Variants in ZGPAT observed in about 807,000 individuals in gnomAD.
ZGPAT encodes the protein zinc finger CCCH-type with G patch domain-containing protein.
Under a neutral mutation model 47.9 loss-of-function variants are expected in ZGPAT, and 39 were observed. The observed-to-expected ratio is 0.81, with a 90% CI of 0.63 to 1.06. ZGPAT has a LOEUF of 1.06. Ranked by LOEUF, ZGPAT falls within the 50% of genes least tolerant of loss-of-function variation. The probability of loss-of-function intolerance (pLI) is 0.00; values close to 1 mark genes in which losing one functional copy is unlikely to be tolerated. For missense variants in ZGPAT, 717 were observed against 681.4 expected (o/e 1.05, Z -0.58); for synonymous variants, 348 against 292.9 (o/e 1.19, Z -1.92).
rs1345412182 is a variant in ZGPAT at position 63,708,798 on chromosome 20, G to A, written c.218G>A (p.Arg73His). 1.2e-6 allele frequency: 2 copies of A among 1,605,208 alleles called. No individual in the cohort carries two copies. The highest frequency in any genetic ancestry group is 1.7e-5 in the Admixed American group (1 of 59,720). Residue 73 changes from arginine (R) to histidine (H), a missense_variant, in exon 2 of 7, where the codon CGC (arginine) becomes CAC (histidine). Coordinates refer to ENST00000355969, the MANE Select transcript of ZGPAT (RefSeq NM_181485.3). ...GCGCTGGACGAAGAGCGCCCGGGCC[G>A]CCAGGAAGATGCTGAGTACCAGGCT... Reference protein sequence around the residue: ...LAALDEERPGRQEDAEYQAFR... With the variant: ...LAALDEERPGHQEDAEYQAFR...
chr20:63,715,833 TAGAGAGAG>T (rs35733523), intron 2 of ZGPAT, among the ~76,000 whole-genome samples: 13 of 150,612 alleles, frequency 8.6e-5, no homozygotes, highest in South Asian at 2.1e-4. Context: ...CAATCATATA[TAGAGAGAG>T]AGAGAGAGAG....
At chr20:63,709,805 A>G (rs1384258938) in intron 2 of ZGPAT, among the ~76,000 whole-genome samples, 1 of 151,878 alleles carries the variant, frequency 6.6e-6, no homozygotes, top group Non-Finnish European at 1.5e-5. Flanking sequence ...CAGCCCCCCT[A>G]GGAGCTGGGC....
chr20:63,734,661 C>T (rs565326365), intron 4 of ZGPAT, 44 bp from the exon 5 acceptor site: 120 of 1,605,800 alleles, frequency 7.5e-5, no homozygotes, highest in East Asian at 3.1e-4. Context: ...GGTCGGACGC[C>T]GTGGACTCTG....
chr20:63,729,272 C>T (rs531659673), intron 2 of ZGPAT, among the ~76,000 whole-genome samples: 2 of 152,242 alleles, frequency 1.3e-5, no homozygotes, highest in African/African-American at 2.4e-5. Flanking sequence ...TCAAGTGATC[C>T]GCCTACCTCA....
At chr20:63,720,643 A>G (rs567178145) in intron 2 of ZGPAT, among the ~76,000 whole-genome samples, 1 of 152,094 alleles carries the variant, frequency 6.6e-6, no homozygotes. Context: ...TTTTAGACAC[A>G]GGGTCTTGCT....
intron 2 of ZGPAT, among the ~76,000 whole-genome samples, chr20:63,714,622 A>T (rs193132973): frequency 9.3e-4 from 141 of 151,422 alleles, no homozygotes; most frequent in African/African-American, 3.2e-3. Flanking sequence ...TAGTGTGTTG[A>T]GTGTTTTTTA....
intron 6 of ZGPAT, 25 bp from the exon 7 acceptor site, chr20:63,735,756 C>A (rs766681673): frequency 6.4e-7 from 1 of 1,574,766 alleles, no homozygotes; most frequent in South Asian, 1.1e-5. Flanking sequence ...CAGGACCCCA[C>A]GCTGACTAGT....
At chr20:63,734,105 G>A in intron 4 of ZGPAT, 1 of 301,346 alleles carries the variant, frequency 3.3e-6, no homozygotes. Context: ...CTGGGTGCCT[G>A]GGATCCTGGC....
At chr20:63,735,097 C>T (rs1414339602) in intron 5 of ZGPAT, 62 bp from the exon 6 acceptor site, 44 of 1,465,776 alleles carry the variant, frequency 3.0e-5, no homozygotes, top group Non-Finnish European at 3.9e-5. Context: ...ACTGCCATCC[C>T]CGTGCTCCTC....
At chr20:63,726,771 C>G (rs1226643787) in intron 2 of ZGPAT, among the ~76,000 whole-genome samples, 1 of 152,170 alleles carries the variant, frequency 6.6e-6, no homozygotes, top group East Asian at 1.9e-4. Flanking sequence ...AGGTGATCTG[C>G]CCACCTCGGC....
intron 2 of ZGPAT, among the ~76,000 whole-genome samples, chr20:63,719,919 T>C (rs2091770184): frequency 6.6e-6 from 1 of 151,642 alleles, no homozygotes; most frequent in East Asian, 1.9e-4. Flanking sequence ...TTTTGGTATT[T>C]TTAGTAGAAA....
At chr20:63,734,665 G>A (rs1209015640) in intron 4 of ZGPAT, 40 bp from the exon 5 acceptor site, 1 of 1,607,678 alleles carries the variant, frequency 6.2e-7, no homozygotes, top group Non-Finnish European at 8.5e-7. Context: ...GGACGCCGTG[G>A]ACTCTGCACA....
Position 63,736,022 on chromosome 20 carries a change from T to C in ZGPAT, c.*103T>C, listed in dbSNP as rs552344301. On this transcript the variant is annotated 3_prime_UTR_variant, in exon 7 of 7. Transcript: ENST00000355969. ...GGGGCCGGCCTGCTGGCCTGGGGCG[T>C]GCAGACACTGCTGAGTGGAGACAGA... The C allele has an allele frequency of 1.3e-6, 2 of 1,490,228 alleles. No homozygotes were observed. Among genetic ancestry groups the C allele is most frequent in the East Asian group, 4.7e-5 (2 of 42,594 alleles). The allele number at this position is 1,490,228 out of a possible 1,614,324, so 92.3% of individuals were successfully genotyped here.
At chr20:63,734,134 G>C (rs964129697) in intron 4 of ZGPAT, 1 of 286,986 alleles carries the variant, frequency 3.5e-6, no homozygotes, top group Non-Finnish European at 6.6e-6. Context: ...GTTGTGTCCA[G>C]ACAGCCAGCA....
chr20:63,711,349 A>G (rs753971182), intron 2 of ZGPAT, among the ~76,000 whole-genome samples: 10 of 152,094 alleles, frequency 6.6e-5, no homozygotes, highest in Non-Finnish European at 7.4e-5. Context: ...CATCTGTGCA[A>G]CAGCCCTGTA....
chr20:63,718,943 G>A (rs531844177), intron 2 of ZGPAT, among the ~76,000 whole-genome samples: 2 of 152,140 alleles, frequency 1.3e-5, no homozygotes, highest in East Asian at 3.9e-4. Flanking sequence ...GCAGGTGCCT[G>A]TAGTCCCAGC....
intron 2 of ZGPAT, among the ~76,000 whole-genome samples, chr20:63,716,355 G>A (rs2091728664): frequency 1.3e-5 from 2 of 152,042 alleles, no homozygotes; most frequent in African/African-American, 2.4e-5. Flanking sequence ...TAGTTTGCAT[G>A]CATGTTTCTA....
intron 6 of ZGPAT, 48 bp downstream of exon 6, chr20:63,735,612 T>C: frequency 6.7e-7 from 1 of 1,501,066 alleles, no homozygotes; most frequent in Non-Finnish European, 8.9e-7. Flanking sequence ...AGGGTGGCCC[T>C]GCCCCCGGGA....
Position 63,708,896 on chromosome 20 carries a change from A to G in ZGPAT, c.316A>G (p.Lys106Glu). ...TGGGTCCGGATCAGAGACCGTTCCT[A>G]AAGCAGAGGCGGGGCCAGAATCTGC... is the stretch of plus-strand genomic sequence containing the variant. ...ARGSGSETVPKAEAGPESAAG... is the reference protein window; with the variant it reads ...ARGSGSETVPEAEAGPESAAG... The change falls in exon 2 of 7, where the codon AAA becomes GAA. Residue 106 changes from lysine (K) to glutamate (E), a missense_variant. Lys to Glu is a moderately conservative substitution (Grantham distance 56). Coordinates refer to ENST00000355969, the MANE Select transcript of ZGPAT (RefSeq NM_181485.3). 1 of 1,612,546 alleles carries G rather than the reference A, an allele frequency of 6.2e-7. No homozygotes were observed. Among genetic ancestry groups the G allele is most frequent in the Non-Finnish European group, 8.5e-7 (1 of 1,179,684 alleles).
Sources: gnomAD v4.1 joint callset for allele counts (sites outside exome capture counted in the v4.1 genomes callset) on GRCh38, gnomAD v4.1.1 for gene constraint, MANE v1.5 for transcripts, NCBI Gene and HGNC (gene_info 2026-07-23, HGNC 2026-07-21) for gene names.